MED12: variants seen among roughly 807,000 people sequenced by gnomAD.
The protein encoded by MED12 is mediator of RNA polymerase II transcription subunit 12.
Under a neutral mutation model 177.7 loss-of-function variants are expected in MED12, and 10 were observed. The ratio of observed to expected loss-of-function variants is 0.06; its 90% CI spans 0.03 to 0.10. The LOEUF is 0.10. Among genes scored for constraint, MED12 ranks in the 10% least tolerant of loss-of-function variants. The pLI is 1.00. For synonymous variants in MED12, 641 were observed against 678.4 expected (o/e 0.94, Z 0.86); for missense variants, 867 against 1,780.8 (o/e 0.49, Z 9.23).
intron 14 of MED12, 49 bp downstream of exon 14, chrX:71,124,893 A>C: frequency 8.4e-7 from 1 of 1,187,036 alleles, no homozygotes. Context: ...GGATCTTCCC[A>C]TTATGCCTGC....
intron 7 of MED12, 87 bp from the exon 8 acceptor site, chrX:71,122,113 C>T (rs1417656595): frequency 8.9e-7 from 1 of 1,124,432 alleles, no homozygotes; most frequent in Admixed American, 2.2e-5. Flanking sequence ...AACTTTGGAT[C>T]TGGAATCTAC....
chrX:71,132,830 T>TTCTC lies in MED12; in HGVS notation c.4416-13_4416-10dup, dbSNP rs762314875. 3.4e-4 allele frequency: 321 copies of TTCTC among 957,104 alleles called. 2 individuals carry two copies. In the South Asian group the frequency reaches 5.8e-3, roughly 17 times the overall value. 78.9% of individuals were successfully genotyped at this position (957,104 alleles called of 1,213,427 possible). On this transcript the variant is annotated splice_polypyrimidine_tract_variant and intron_variant, in intron 31 of 44. Transcript: ENST00000374080. ...CTTCTCTTCTCTTCTCTTCTCTTCT[T>TTCTC]TCTCTTGTCTCTAGCATGTCCCTAT...
At position 71,124,832 on chromosome X, in the gene MED12, G is replaced by A; in HGVS notation, c.2043G>A (p.Lys681=). 8.3e-7 allele frequency: 1 copy of A among 1,206,446 alleles called. No homozygotes were observed. The change falls in exon 14 of 45, where the codon AAG becomes AAA. Residue 681 remains lysine, a synonymous_variant. Coordinates refer to ENST00000374080, the MANE Select transcript of MED12 (RefSeq NM_005120.3). ...SSSVLFEDME[K]PDFSLFSPTM... ...GTGTTCTCTTTGAGGACATGGAGAA[G>A]CCTGATTTCTCAGTAAGTTCAATCC...
At chrX:71,125,794 T>A in intron 17 of MED12, 81 bp downstream of exon 17, 2 of 869,499 alleles carry the variant, frequency 2.3e-6, no homozygotes, top group Non-Finnish European at 3.4e-6. Context: ...TACATATTCC[T>A]TTAAGGTCCA....
At chrX:71,127,847 G>C (rs2147800465) in intron 21 of MED12, 46 bp from the exon 22 acceptor site, 1 of 1,009,982 alleles carries the variant, frequency 9.9e-7, no homozygotes, top group Non-Finnish European at 1.4e-6. Flanking sequence ...CTCGACCTCA[G>C]CAGGCCTTCT....
In MED12 at chrX:71,141,247, A is replaced by G. The variant is rs794727673; in HGVS notation, c.6285A>G (p.Gln2095=). The change falls in exon 43 of 45, where the codon CAA becomes CAG. Residue 2095 remains glutamine, a synonymous_variant. Transcript: ENST00000374080. ...QQILRQQQQQ[Q]QQQQQQQQQQ... ...TCTTATAGCAGCAGCAGCAACAGCA[A>G]CAGCAGCAGCAGCAGCAGCAGCAAC... is the stretch of plus-strand genomic sequence containing the variant. 21 of 1,159,429 alleles carry G rather than the reference A, an allele frequency of 1.8e-5. No individual in the cohort carries two copies. In the African/African-American group the frequency reaches 2.9e-4, roughly 16 times the overall value.
Position 71,118,665 on chromosome X carries a change from A to G in MED12, c.-90A>G, listed in dbSNP as rs1341777506. The G allele has an allele frequency of 3.1e-5, 26 of 851,445 alleles. No homozygotes were observed. The highest frequency in any genetic ancestry group is 4.1e-5 in the Non-Finnish European group (24 of 591,010). The allele number at this position is 851,445 out of a possible 1,213,427, so 70.2% of individuals were successfully genotyped here. ...TCTCTCGGCCGCCGTCCTCTCAACCACCGCCCCCCTTTTCGGCTCCCTCTC... is the reference window on the plus strand; with the variant it reads ...TCTCTCGGCCGCCGTCCTCTCAACCGCCGCCCCCCTTTTCGGCTCCCTCTC... On this transcript the variant is annotated 5_prime_UTR_variant, in exon 1 of 45. Coordinates refer to ENST00000374080, the MANE Select transcript of MED12 (RefSeq NM_005120.3).
chrX:71,118,887 G>A (rs2147767538), intron 1 of MED12, 34 bp downstream of exon 1: 1 of 1,149,200 alleles, frequency 8.7e-7, no homozygotes, highest in Non-Finnish European at 1.2e-6. Flanking sequence ...GGAGGGGCCG[G>A]GGGCACGCGG....
intron 36 of MED12, among the ~76,000 whole-genome samples, chrX:71,135,902 CTCTT>C (rs1214731006): frequency 9.1e-6 from 1 of 110,155 alleles, no homozygotes; most frequent in Non-Finnish European, 1.9e-5. Flanking sequence ...CTTCCTCTCT[CTCTT>C]TCTCTGCCTT....
At chrX:71,140,559 A>G in intron 41 of MED12, 76 bp from the exon 42 acceptor site, 1 of 1,209,595 alleles carries the variant, frequency 8.3e-7, no homozygotes, top group Non-Finnish European at 1.1e-6. Context: ...CTTTCAGGTC[A>G]GGGACCCAAG....
Position 71,129,163 on chromosome X carries a change from C to T in MED12, c.3525C>T (p.Ile1175=). Residue 1175 remains isoleucine (I), a synonymous_variant, in exon 25 of 45, where the codon ATC becomes ATT. Transcript: ENST00000374080. ...CAGGGGCCCGGCTTACCTGCCGCAT[C>T]CTCCTTCACCTTTTCAAGACACCGC... ...SEPGARLTCR[I]LLHLFKTPQL... 1 of 1,211,021 alleles carries T rather than the reference C, an allele frequency of 8.3e-7. No individual in the cohort carries two copies. The highest frequency in any genetic ancestry group is 1.1e-6 in the Non-Finnish European group (1 of 894,961).
At chrX:71,128,561 A>G in intron 23 of MED12, 37 bp from the exon 24 acceptor site, 2 of 1,210,591 alleles carry the variant, frequency 1.7e-6, no homozygotes, top group South Asian at 1.8e-5. Flanking sequence ...GTGGGCCTCC[A>G]CACTGAGTCA....
Position 71,136,479 on chromosome X carries a change from C to T in MED12, c.5224C>T (p.Leu1742=), listed in dbSNP as rs758043683. The T allele has an allele frequency of 1.7e-6, 2 of 1,208,577 alleles. No individual in the cohort carries two copies. The highest frequency in any genetic ancestry group is 3.5e-5 in the South Asian group (2 of 56,648). ...PRPRAYYLEP[L]PLPPEDEEPP... ...GCCCCGCGCCTATTACCTGGAGCCA[C>T]TGCCACTGCCCCCAGAAGATGAGGA... The change falls in exon 37 of 45, where the codon CTG becomes TTG. Residue 1742 remains leucine (L), a synonymous_variant. Coordinates refer to ENST00000374080, the MANE Select transcript of MED12 (RefSeq NM_005120.3).
intron 19 of MED12, 52 bp downstream of exon 19, chrX:71,126,536 G>A (rs376538771): frequency 3.0e-5 from 36 of 1,181,125 alleles, no homozygotes; most frequent in Admixed American, 4.4e-5. Context: ...GCCATATAGC[G>A]GCTACGGAGG....
intron 10 of MED12, 60 bp downstream of exon 10, chrX:71,122,934 G>C (rs2092293345): frequency 2.5e-6 from 3 of 1,177,523 alleles, no homozygotes; most frequent in Middle Eastern, 4.7e-4. Flanking sequence ...ATATGTCTGA[G>C]AGGGAAGTCA....
intron 16 of MED12, 53 bp from the exon 17 acceptor site, chrX:71,125,610 C>A: frequency 1.7e-6 from 2 of 1,188,324 alleles, no homozygotes; most frequent in South Asian, 3.6e-5. Context: ...CTTGGAGTCT[C>A]CTGAGAGCTC....
intron 13 of MED12, 40 bp from the exon 14 acceptor site, chrX:71,124,724 C>G: frequency 1.8e-6 from 2 of 1,116,776 alleles, no homozygotes; most frequent in Non-Finnish European, 2.5e-6. Flanking sequence ...GAGCCACTCC[C>G]TAGGGCTAAA....
intron 28 of MED12, 22 bp from the exon 29 acceptor site, chrX:71,131,528 G>A (rs754398645): frequency 8.3e-7 from 1 of 1,206,115 alleles, no homozygotes; most frequent in Admixed American, 2.2e-5. Flanking sequence ...TGACTAGCCT[G>A]GGTGTGGGGC....
In MED12 at chrX:71,121,761, T is replaced by A. The variant is rs757929935; in HGVS notation, c.1046T>A (p.Leu349Gln). 8.3e-7 allele frequency: 1 copy of A among 1,211,827 alleles called. No individual in the cohort carries two copies. The highest frequency in any genetic ancestry group is 3.0e-5 in the East Asian group (1 of 33,852). ...SSTPSTPFSD[L>Q]LMCPQHRPLV... is the part of the protein sequence containing the mutation. ...ACACCCTCGACTCCCTTTAGTGACC[T>A]GCTTATGTGCCCTCAGCACCGGCCC... is the stretch of plus-strand genomic sequence containing the variant. Residue 349 changes from leucine (L) to glutamine (Q), a missense_variant, in exon 7 of 45, where the codon CTG becomes CAG. Physicochemically the swap from Leu to Gln is moderately radical, Grantham distance 113. Transcript: ENST00000374080.
Sources: gnomAD v4.1 joint callset for allele counts (sites outside exome capture counted in the v4.1 genomes callset) on GRCh38, gnomAD v4.1.1 for gene constraint, MANE v1.5 for transcripts, NCBI Gene and HGNC (gene_info 2026-07-23, HGNC 2026-07-21) for gene names.